Variants in AHNAK observed in about 807,000 individuals in gnomAD.
The protein encoded by AHNAK is AHNAK nucleoprotein.
In AHNAK, 23 loss-of-function variants were observed where a neutral mutation model predicts 37.8. The ratio of observed to expected loss-of-function variants is 0.61; its 90% CI spans 0.44 to 0.86. The LOEUF is 0.86. Ranked by LOEUF, AHNAK falls within the 40% of genes least tolerant of loss-of-function variation. The probability of loss-of-function intolerance (pLI) is 0.00; values close to 1 mark genes in which losing one functional copy is unlikely to be tolerated. For missense variants in AHNAK, 7,411 were observed against 7,319.4 expected (o/e 1.01, Z -0.46); for synonymous variants, 2,481 against 2,636.3 (o/e 0.94, Z 1.80).
chr11:62,437,043 T>C (rs1385840491), intron 5 of AHNAK, among the ~76,000 whole-genome samples: 2 of 151,848 alleles, frequency 1.3e-5, no homozygotes, highest in Non-Finnish European at 2.9e-5. Context: ...TAACCACCAC[T>C]CCAGGCCACA....
chr11:62,477,677 C>T (rs1284986528), intron 5 of AHNAK, among the ~76,000 whole-genome samples: 1 of 152,128 alleles, frequency 6.6e-6, no homozygotes, highest in Non-Finnish European at 1.5e-5. Flanking sequence ...TGGCCGGCGC[C>T]TGTAGTCCCA....
Position 62,520,949 on chromosome 11 carries a change from C to G in AHNAK, c.13468G>C (p.Gly4490Arg), listed in dbSNP as rs1215915217. The G allele has an allele frequency of 1.9e-6, 3 of 1,614,044 alleles. No individual in the cohort carries two copies. Among genetic ancestry groups the G allele is most frequent in the African/African-American group, 2.7e-5 (2 of 74,908 alleles). Residue 4490 changes from glycine (G) to arginine (R), a missense_variant, in exon 5 of 5, where the codon GGG becomes CGG. Physicochemically the swap from Gly to Arg is moderately radical, Grantham distance 125. Transcript: ENST00000378024. The part of the protein sequence containing the change: ...SLPKVESDLK[G>R]PEVDIEGPEG... ...GGACCTTCAATGTCTACCTCTGGCC[C>G]TTTCAGATCACTTTCCACCTTAGGT...
rs1479322112 is a variant in AHNAK at position 62,518,537 on chromosome 11, T to TA, written c.15879dup (p.Met5294TyrfsTer8). The TA allele has an allele frequency of 1.9e-6, 3 of 1,614,150 alleles. No individual in the cohort carries two copies. The highest frequency in any genetic ancestry group is 3.3e-5 in the Admixed American group (2 of 60,030). The stretch of plus-strand genomic sequence containing the variant: ...AGGTCAGGCCCAGAGACTTTTGGCA[T>TA]AGAGAGGTTCACTGAAGGCAAGTCT... On this transcript the variant is annotated frameshift_variant, in exon 5 of 5. Transcript: ENST00000378024. LOFTEE classifies it high-confidence loss of function.
At chr11:62,483,219 C>T (rs1939312258) in intron 5 of AHNAK, among the ~76,000 whole-genome samples, 1 of 152,182 alleles carries the variant, frequency 6.6e-6, no homozygotes, top group Non-Finnish European at 1.5e-5. Context: ...TGCAGGCCTT[C>T]TGCTTTACCA....
rs1028739312 is a variant in AHNAK at position 62,533,197 on chromosome 11, C to T, written c.1220G>A (p.Ser407Asn). ...AACTTCCACACTGGGGCCAGTGATG[C>T]TACCCCCAATTTGGGGAGCAGAGGC... ...VDASAPQIGG[S>N]ITGPSVEVQA... Residue 407 changes from serine (S) to asparagine (N), a missense_variant, in exon 5 of 5, where the codon AGC becomes AAC. Ser to Asn is a conservative substitution (Grantham distance 46). Transcript: ENST00000378024. 9 of 1,528,356 alleles carry T rather than the reference C, an allele frequency of 5.9e-6. No individual in the cohort carries two copies. The African/African-American group carries it at 7.0e-5, about 12-fold the overall frequency. The allele number at this position is 1,528,356 out of a possible 1,614,324, so 94.7% of individuals were successfully genotyped here. A position where few individuals can be genotyped will look rare whatever the true frequency, so the allele number is the denominator to read the frequency against.
In AHNAK at chr11:62,521,183, C is replaced by G; in HGVS notation, c.13234G>C (p.Gly4412Arg). Reference sequence around the variant, plus strand: ...TCAATTTCAGGGCCCTTGAGATCACCTTCCACTTTGGGCAGAGAGACATCC... The same window carrying G: ...TCAATTTCAGGGCCCTTGAGATCACGTTCCACTTTGGGCAGAGAGACATCC... ...DVDVSLPKVE[G>R]DLKGPEIDIK... is the part of the protein sequence containing the mutation. The change falls in exon 5 of 5, where the codon GGT becomes CGT. Residue 4412 changes from glycine to arginine, a missense_variant. Transcript: ENST00000378024. 1.9e-6 allele frequency: 3 copies of G among 1,614,082 alleles called. No homozygotes were observed. The highest frequency in any genetic ancestry group is 2.5e-6 in the Non-Finnish European group (3 of 1,180,024).
chr11:62,489,708 G>T (rs1418458434), intron 5 of AHNAK, among the ~76,000 whole-genome samples: 1 of 152,038 alleles, frequency 6.6e-6, no homozygotes, highest in Non-Finnish European at 1.5e-5. Flanking sequence ...CAGCCCTGGA[G>T]CTCGGAAGAG....
At position 62,516,529 on chromosome 11, in the gene AHNAK, A is replaced by G. The variant is rs1243724952; in HGVS notation, c.*215T>C. The G allele has an allele frequency of 7.1e-7, 1 of 1,411,578 alleles. No individual in the cohort carries two copies. 87.4% of individuals were successfully genotyped at this position (1,411,578 alleles called of 1,614,324 possible). On this transcript the variant is annotated 3_prime_UTR_variant, in exon 5 of 5. Transcript: ENST00000378024. ...AAGGCAAATACTGTTGACTTTGCAC[A>G]TGGGCTGGACGAACTTGGAACTCTT... is the stretch of plus-strand genomic sequence containing the variant.
At chr11:62,438,275 C>T (rs955827498) in intron 5 of AHNAK, among the ~76,000 whole-genome samples, 7 of 149,116 alleles carry the variant, frequency 4.7e-5, no homozygotes, top group Non-Finnish European at 8.9e-5. Flanking sequence ...CTCTGCCTCC[C>T]GGGTTCAAGC....
Position 62,516,361 on chromosome 11 carries a change from A to C in AHNAK, c.*383T>G. 5 of 1,278,662 alleles carry C rather than the reference A, an allele frequency of 3.9e-6. No individual in the cohort carries two copies. In the Admixed American group the frequency reaches 1.2e-4, roughly 31 times the overall value. 79.2% of individuals were successfully genotyped at this position (1,278,662 alleles called of 1,614,324 possible). A position where few individuals can be genotyped will look rare whatever the true frequency, so the allele number is the denominator to read the frequency against. On this transcript the variant is annotated 3_prime_UTR_variant, in exon 5 of 5. Transcript: ENST00000378024. ...CACCCTTACTAACAAAAGCCCCCAAAGTCATTACAATGAAAAAGTGGGTTT... is the reference window on the plus strand; with the variant it reads ...CACCCTTACTAACAAAAGCCCCCAACGTCATTACAATGAAAAAGTGGGTTT...
intron 5 of AHNAK, among the ~76,000 whole-genome samples, chr11:62,486,961 G>C (rs1021512303): frequency 6.6e-6 from 1 of 152,068 alleles, no homozygotes; most frequent in Non-Finnish European, 1.5e-5. Flanking sequence ...ACTGAGTAAG[G>C]AGCGGCAGAC....
intron 5 of AHNAK, among the ~76,000 whole-genome samples, chr11:62,475,567 G>T: frequency 6.8e-6 from 1 of 148,148 alleles, no homozygotes; most frequent in Admixed American, 6.8e-5. Context: ...GTTTGATATT[G>T]GAATATATTC....
chr11:62,474,938 C>G (rs17145917), intron 5 of AHNAK, among the ~76,000 whole-genome samples: 9,247 of 152,138 alleles, frequency 0.061, 948 homozygotes, highest in African/African-American at 0.21. Context: ...GGAAGAGGGA[C>G]CCAGGAGAAG....
chr11:62,453,876 C>T (rs1938592780), intron 5 of AHNAK, among the ~76,000 whole-genome samples: 1 of 152,116 alleles, frequency 6.6e-6, no homozygotes, highest in Admixed American at 6.5e-5. Context: ...AATTCCAGCA[C>T]TTTGGGAGGT....
intron 5 of AHNAK, among the ~76,000 whole-genome samples, chr11:62,476,923 A>G (rs1939159743): frequency 6.6e-6 from 1 of 152,202 alleles, no homozygotes; most frequent in African/African-American, 2.4e-5. Context: ...CAAATTGATG[A>G]GATGCACCAA....
rs199589476 is a variant in AHNAK, at chr11:62,527,968, C to A, written c.6449G>T (p.Ser2150Ile). Residue 2150 changes from serine to isoleucine, a missense_variant, in exon 5 of 5, where the codon AGT becomes ATT. Ser to Ile is a moderately radical substitution (Grantham distance 142, BLOSUM62 -2). Transcript: ENST00000378024. ...AACATCAGGCACCTCCACATCCACA[C>A]TGGGGCCTGTTAAATCTCCCTCCAA... ...PKLEGDLTGPSVDVEVPDVEL... is the reference protein window; with the variant it reads ...PKLEGDLTGPIVDVEVPDVEL... 9.9e-6 allele frequency: 16 copies of A among 1,612,954 alleles called. No individual in the cohort carries two copies. The South Asian group carries it at 1.4e-4, about 14-fold the overall frequency.
At position 62,518,424 on chromosome 11, in the gene AHNAK, G is replaced by C; in HGVS notation, c.15993C>G (p.Leu5331=). Reference sequence around the variant, plus strand: ...CCTGCATTTTGCCACCGACACCACTGAGGTTGAGCCCTGGAGCATGCACCT... The same window carrying C: ...CCTGCATTTTGCCACCGACACCACTCAGGTTGAGCCCTGGAGCATGCACCT... ...SMKVHAPGLN[L]SGVGGKMQVG... is the part of the protein sequence containing the mutation. The change falls in exon 5 of 5, where the codon CTC becomes CTG. Residue 5331 remains leucine, a synonymous_variant. Transcript: ENST00000378024. 1 of 1,614,124 alleles carries C rather than the reference G, an allele frequency of 6.2e-7. No individual in the cohort carries two copies. The highest frequency in any genetic ancestry group is 8.5e-7 in the Non-Finnish European group (1 of 1,180,026).
Position 62,527,643 on chromosome 11 carries a change from T to C in AHNAK, c.6774A>G (p.Gly2258=). The change falls in exon 5 of 5, where the codon GGA becomes GGG. Residue 2258 remains glycine, a synonymous_variant. Transcript: ENST00000378024. ...AGTTCACATCCACTTCTGGGCCCTC[T>C]CCTTTGAAGCCAGGCATGCTGAACT... The part of the protein sequence containing the change: ...MPKFSMPGFK[G]EGPEVDVNLP... 6.2e-7 allele frequency: 1 copy of C among 1,614,032 alleles called. No individual in the cohort carries two copies. The highest frequency in any genetic ancestry group is 8.5e-7 in the Non-Finnish European group (1 of 1,179,998).
intron 5 of AHNAK, among the ~76,000 whole-genome samples, chr11:62,446,519 GT>G (rs1938425699): frequency 6.6e-6 from 1 of 152,186 alleles, no homozygotes; most frequent in South Asian, 2.1e-4. Context: ...GTGGACTGGG[GT>G]TTTCTAAAGA....
Sources: allele counts gnomAD v4.1 joint callset (sites outside exome capture counted in the v4.1 genomes callset), GRCh38; gene constraint gnomAD v4.1.1; transcripts MANE v1.5; gene names NCBI Gene and HGNC (gene_info 2026-07-23, HGNC 2026-07-21).